GARRE1: variants seen among roughly 807,000 people sequenced by gnomAD.
GARRE1 encodes granule associated Rac and RHOG effector protein 1.
Under a neutral mutation model 103.2 loss-of-function variants are expected in GARRE1, and 49 were observed. The ratio of observed to expected loss-of-function variants is 0.47; its 90% CI spans 0.38 to 0.60. GARRE1 has a LOEUF of 0.60. Ranked by LOEUF, GARRE1 falls within the 20% of genes least tolerant of loss-of-function variation. The probability of loss-of-function intolerance (pLI) is 0.00; values close to 1 mark genes in which losing one functional copy is unlikely to be tolerated. For synonymous variants in GARRE1, 505 were observed against 532.8 expected (o/e 0.95, Z 0.72); for missense variants, 1,199 against 1,370.5 (o/e 0.87, Z 1.98).
Position 34,313,057 on chromosome 19 carries a change from A to T in GARRE1, c.496-6850A>T, listed in dbSNP as rs534456104. Among the ~76,000 whole-genome samples, 3 of 152,226 alleles carry T rather than the reference A, an allele frequency of 2.0e-5. No individual in the cohort carries two copies. In the South Asian group the frequency reaches 6.2e-4, roughly 32 times the overall value. ...GGTAGTGCTATTTACTGAGATGGGGAGTAGTGGGGAAGAGTAAGTTCAGAT... is the reference window on the plus strand; with the variant it reads ...GGTAGTGCTATTTACTGAGATGGGGTGTAGTGGGGAAGAGTAAGTTCAGAT... On this transcript the variant is annotated intron_variant, in intron 2 of 13. Coordinates refer to ENST00000299505, the MANE Select transcript of GARRE1 (RefSeq NM_014686.5).
rs1174605081 is a variant in GARRE1 at position 34,316,565 on chromosome 19, G to T, written c.496-3342G>T. On this transcript the variant is annotated intron_variant, in intron 2 of 13. Coordinates refer to ENST00000299505, the MANE Select transcript of GARRE1 (RefSeq NM_014686.5). ...GGGAAAGGTGGGCAGAGGCAGGCTG[G>T]AGGTTGAGCTCTGTACTCTCTCAAG... is the stretch of plus-strand genomic sequence containing the variant. 2.6e-5 allele frequency among the ~76,000 whole-genome samples: 4 copies of T among 152,322 alleles called. No homozygotes were observed. The East Asian group carries it at 5.8e-4, about 22-fold the overall frequency.
intron 1 of GARRE1, among the ~76,000 whole-genome samples, chr19:34,255,237 C>T (rs765763095): frequency 6.6e-6 from 1 of 152,206 alleles, no homozygotes; most frequent in Non-Finnish European, 1.5e-5. Context: ...GACCCGAGCC[C>T]GAGGGACGAG....
intron 12 of GARRE1, among the ~76,000 whole-genome samples, chr19:34,350,494 C>T (rs1349629068): frequency 6.6e-6 from 1 of 152,230 alleles, no homozygotes; most frequent in Admixed American, 6.5e-5. Flanking sequence ...CTGCCTTTTT[C>T]ATTCAACCTT....
intron 1 of GARRE1, among the ~76,000 whole-genome samples, chr19:34,258,867 C>G (rs988103989): frequency 6.6e-6 from 1 of 151,792 alleles, no homozygotes; most frequent in African/African-American, 2.4e-5. Context: ...GAGTTGGAGA[C>G]CAGCCTGGGC....
At chr19:34,292,917 C>T (rs1366730493) in intron 1 of GARRE1, among the ~76,000 whole-genome samples, 1 of 152,100 alleles carries the variant, frequency 6.6e-6, no homozygotes, top group East Asian at 1.9e-4. Context: ...GCCATGTTGC[C>T]AGGCTGGTTT....
chr19:34,299,357 G>A (rs533816885), intron 1 of GARRE1, among the ~76,000 whole-genome samples: 43 of 152,172 alleles, frequency 2.8e-4, no homozygotes, highest in Non-Finnish European at 6.2e-4. Flanking sequence ...TGATCCTCCT[G>A]AAGCTTGTGA....
At chr19:34,325,784 C>T (rs1420578773) in intron 3 of GARRE1, among the ~76,000 whole-genome samples, 1 of 152,248 alleles carries the variant, frequency 6.6e-6, no homozygotes, top group East Asian at 1.9e-4. Context: ...CCTGCCCTCG[C>T]TCACTGGGCT....
chr19:34,280,644 A>G (rs1280990020), intron 1 of GARRE1, among the ~76,000 whole-genome samples: 1 of 152,124 alleles, frequency 6.6e-6, no homozygotes, highest in African/African-American at 2.4e-5. Flanking sequence ...TAATTTTTAT[A>G]TATTTAATGA....
At chr19:34,257,344 C>T (rs2073680504) in intron 1 of GARRE1, among the ~76,000 whole-genome samples, 1 of 152,012 alleles carries the variant, frequency 6.6e-6, no homozygotes, top group Non-Finnish European at 1.5e-5. Flanking sequence ...GGTGTCCACT[C>T]TCTTTTTTTT....
intron 8 of GARRE1, among the ~76,000 whole-genome samples, chr19:34,335,404 G>A (rs1476585755): frequency 2.6e-5 from 4 of 152,216 alleles, no homozygotes; most frequent in African/African-American, 4.8e-5. Context: ...TGAATATTTA[G>A]CTATAAGAGA....
Position 34,339,933 on chromosome 19 carries a change from G to T in GARRE1, c.1428G>T (p.Leu476=). The T allele has an allele frequency of 6.2e-7, 1 of 1,613,908 alleles. No homozygotes were observed. Among genetic ancestry groups the T allele is most frequent in the Non-Finnish European group, 8.5e-7 (1 of 1,179,964 alleles). ...GAAGCCTTGATCCTGAGAAGACCCT[G>T]GGTCTAGTGGACGTGCTCTACACAG... is the stretch of plus-strand genomic sequence containing the variant. ...LQRSLDPEKT[L]GLVDVLYTAV... is the part of the protein sequence containing the mutation. Residue 476 remains leucine, a synonymous_variant, in exon 9 of 14, where the codon CTG becomes CTT. Coordinates refer to ENST00000299505, the MANE Select transcript of GARRE1 (RefSeq NM_014686.5).
intron 3 of GARRE1, among the ~76,000 whole-genome samples, chr19:34,323,833 G>T (rs1367992398): frequency 6.6e-6 from 1 of 152,142 alleles, no homozygotes; most frequent in Non-Finnish European, 1.5e-5. Context: ...TCTTCACCTT[G>T]ACCTTTTTTG....
intron 2 of GARRE1, among the ~76,000 whole-genome samples, chr19:34,311,727 C>G (rs1015377474): frequency 2.6e-5 from 4 of 152,180 alleles, no homozygotes; most frequent in African/African-American, 9.7e-5. Context: ...TCTCCTGCCT[C>G]AGCCTCCCAA....
chr19:34,264,625 C>T (rs970846385), intron 1 of GARRE1, among the ~76,000 whole-genome samples: 1 of 152,114 alleles, frequency 6.6e-6, no homozygotes, highest in South Asian at 2.1e-4. Context: ...GTCTTGATCT[C>T]CTGACCTTGT....
intron 1 of GARRE1, among the ~76,000 whole-genome samples, chr19:34,290,321 A>T (rs528720320): frequency 5.3e-5 from 8 of 152,102 alleles, no homozygotes; most frequent in African/African-American, 1.9e-4. Flanking sequence ...GCACCACTGT[A>T]CTCCAGCCTG....
At chr19:34,254,967 C>CCGGGAGGTCGCGCTGGCG (rs2145945661) in intron 1 of GARRE1, among the ~76,000 whole-genome samples, 1 of 151,762 alleles carries the variant, frequency 6.6e-6, no homozygotes, top group East Asian at 1.9e-4. Flanking sequence ...TCGCCGGGGC[C>CCGGGAGGTCGCGCTGGCG]CGGGAGGTCG....
intron 1 of GARRE1, among the ~76,000 whole-genome samples, chr19:34,279,752 G>A (rs985612350): frequency 6.6e-6 from 1 of 151,912 alleles, no homozygotes; most frequent in Non-Finnish European, 1.5e-5. Context: ...TTGGGAGGCC[G>A]AGGCGGGCGG....
At chr19:34,285,918 T>C (rs1289180856) in intron 1 of GARRE1, among the ~76,000 whole-genome samples, 1 of 152,230 alleles carries the variant, frequency 6.6e-6, no homozygotes, top group Non-Finnish European at 1.5e-5. Flanking sequence ...GAATGTTTTT[T>C]CTCTCTGCTT....
intron 2 of GARRE1, among the ~76,000 whole-genome samples, chr19:34,304,783 A>ATTTTT (rs1555782912): frequency 6.7e-6 from 1 of 149,968 alleles, no homozygotes; most frequent in East Asian, 2.0e-4. Flanking sequence ...TTTTATTTTT[A>ATTTTT]TTTTTTATTT....
Sources: gnomAD v4.1 joint callset for allele counts (sites outside exome capture counted in the v4.1 genomes callset) on GRCh38, gnomAD v4.1.1 for gene constraint, MANE v1.5 for transcripts, NCBI Gene and HGNC (gene_info 2026-07-23, HGNC 2026-07-21) for gene names.